Variants in IVD observed in about 807,000 individuals in gnomAD.
The protein encoded by IVD is isovaleryl-CoA dehydrogenase, mitochondrial.
A neutral mutation model predicts 51.3 loss-of-function variants in IVD; 31 were observed. That is an observed-to-expected ratio of 0.60 (90% CI 0.45 to 0.81). The LOEUF (loss-of-function observed/expected upper bound fraction) is 0.81. Ranked by LOEUF, IVD falls within the 40% of genes least tolerant of loss-of-function variation. The pLI is 0.00. For missense variants in IVD, 475 were observed against 552.0 expected, an observed-to-expected ratio of 0.86 and a Z score of 1.40; for synonymous variants, 205 against 219.4, an observed-to-expected ratio of 0.93 and a Z score of 0.58.
intron 7 of IVD, among the ~76,000 whole-genome samples, chr15:40,430,158 C>T (rs1415206773): frequency 6.6e-6 from 1 of 152,190 alleles, no homozygotes; most frequent in Admixed American, 6.5e-5. Flanking sequence ...GGTGCAGAGC[C>T]GCTGCGGCAC....
intron 8 of IVD, among the ~76,000 whole-genome samples, chr15:40,435,099 C>A (rs1353214351): frequency 1.3e-5 from 2 of 152,146 alleles, no homozygotes; most frequent in Non-Finnish European, 2.9e-5. Flanking sequence ...GAGATTGGGG[C>A]GAGAATGAGA....
chr15:40,411,227 T>G, intron 4 of IVD, 33 bp from the exon 5 acceptor site: 1 of 1,606,320 alleles, frequency 6.2e-7, no homozygotes. Context: ...ACTCTGAGGT[T>G]GTAACAAGGC....
At chr15:40,426,825 G>A (rs1470561242), downstream of IVD, among the ~76,000 whole-genome samples, 2 of 152,194 alleles carry the variant, frequency 1.3e-5, no homozygotes, top group African/African-American at 4.8e-5. Flanking sequence ...GTGTGCATCT[G>A]TGCATCGCTG....
In IVD at chr15:40,419,276, C is replaced by A; in HGVS notation, c.*1013C>A. 1 of 1,253,188 alleles carries A rather than the reference C, an allele frequency of 8.0e-7. No individual in the cohort carries two copies. Among genetic ancestry groups the A allele is most frequent in the Non-Finnish European group, 1.0e-6 (1 of 957,032 alleles). 77.6% of individuals were successfully genotyped at this position (1,253,188 alleles called of 1,614,324 possible). A position where few individuals can be genotyped will look rare whatever the true frequency, so the allele number is the denominator to read the frequency against. ...CTGTAATCCCAGCACTTTGGGAGGC[C>A]AAGGCAGGTGGATCACTTGCAGTCA... is the stretch of plus-strand genomic sequence containing the variant. On this transcript the variant is annotated 3_prime_UTR_variant, in exon 12 of 12. Transcript: ENST00000487418.
intron 7 of IVD, among the ~76,000 whole-genome samples, chr15:40,430,510 T>C (rs1478273678): frequency 6.6e-6 from 1 of 151,792 alleles, no homozygotes; most frequent in Non-Finnish European, 1.5e-5. Context: ...AGCAGGAGAG[T>C]GCTATGAGGC....
In IVD at chr15:40,415,122, A is replaced by G. The variant is rs1891515286; in HGVS notation, c.878+140A>G. 3 of 949,048 alleles carry G rather than the reference A, an allele frequency of 3.2e-6. No individual in the cohort carries two copies. In the South Asian group the frequency reaches 4.5e-5, roughly 14 times the overall value. The allele number at this position is 949,048 out of a possible 1,614,324, so 58.8% of individuals were successfully genotyped here. ...CTGCTCTCTCCTGGGAGATGAAAGG[A>G]ACCTCCTCTTCCCATGTTGAATTTC... is the stretch of plus-strand genomic sequence containing the variant. On this transcript the variant is annotated intron_variant, in intron 8 of 11. Coordinates refer to ENST00000487418, the MANE Select transcript of IVD (RefSeq NM_002225.5).
intron 3 of IVD, among the ~76,000 whole-genome samples, chr15:40,410,212 C>T (rs1013997498): frequency 1.3e-5 from 2 of 152,170 alleles, no homozygotes; most frequent in African/African-American, 4.8e-5. Context: ...CACATCAGAT[C>T]CTCTGGCTTT....
chr15:40,434,627 A>T (rs1452813934), intron 8 of IVD, among the ~76,000 whole-genome samples: 3 of 152,192 alleles, frequency 2.0e-5, no homozygotes, highest in African/African-American at 7.2e-5. Flanking sequence ...GGCAGCAGGG[A>T]GCAAGGTGGA....
At position 40,407,934 on chromosome 15, in the gene IVD, G is replaced by A. The variant is rs1206566729; in HGVS notation, c.235-5G>A. The A allele has an allele frequency of 1.2e-6, 2 of 1,613,904 alleles. No homozygotes were observed. The highest frequency in any genetic ancestry group is 1.7e-6 in the Non-Finnish European group (2 of 1,179,926). Reference sequence around the variant, plus strand: ...TTATTCCACTCTGCTCCATTCTGTTGGCAGGAATTTTGGAAGCAGCTGGGG... The same window carrying A: ...TTATTCCACTCTGCTCCATTCTGTTAGCAGGAATTTTGGAAGCAGCTGGGG... On this transcript the variant is annotated splice_polypyrimidine_tract_variant and splice_region_variant and intron_variant, in intron 2 of 11. Coordinates refer to ENST00000487418, the MANE Select transcript of IVD (RefSeq NM_002225.5).
At chr15:40,434,812 T>C (rs1437736423) in intron 8 of IVD, among the ~76,000 whole-genome samples, 2 of 152,180 alleles carry the variant, frequency 1.3e-5, no homozygotes, top group Non-Finnish European at 2.9e-5. Flanking sequence ...CTTCCCGGTG[T>C]CATGGGAAGA....
intron 8 of IVD, among the ~76,000 whole-genome samples, chr15:40,434,189 A>G (rs1262674160): frequency 6.6e-6 from 1 of 152,158 alleles, no homozygotes; most frequent in Non-Finnish European, 1.5e-5. Flanking sequence ...AATGTGCGCC[A>G]GGGGTAGCAA....
downstream of IVD, among the ~76,000 whole-genome samples, chr15:40,423,188 T>A (rs1400315713): frequency 2.6e-5 from 4 of 152,182 alleles, no homozygotes; most frequent in African/African-American, 4.8e-5. Flanking sequence ...TCCTCCTGCC[T>A]CCACTTTCCA....
chr15:40,424,518 C>A (rs1892554109), downstream of IVD: 2 of 231,350 alleles, frequency 8.6e-6, no homozygotes, highest in African/African-American at 4.7e-5. Context: ...TGGATGGGTC[C>A]CCTTTCTCCT....
chr15:40,421,523 C>A (rs545853095), downstream of IVD, among the ~76,000 whole-genome samples: 28 of 152,310 alleles, frequency 1.8e-4, no homozygotes, highest in African/African-American at 6.3e-4. Flanking sequence ...TGTGGGAGGG[C>A]AACAGAACCT....
At chr15:40,415,904 T>C (rs2141358534) in intron 9 of IVD, among the ~76,000 whole-genome samples, 174 bp from the exon 10 acceptor site, 1 of 152,346 alleles carries the variant, frequency 6.6e-6, no homozygotes, top group African/African-American at 2.4e-5. Flanking sequence ...GAACAGCCAC[T>C]CTGTGGCCCT....
In IVD at chr15:40,433,937, G is replaced by C. The variant is rs1478923435; in HGVS notation, c.780+23G>C. Reference sequence around the variant, plus strand: ...AAGGTACTATTAGAGATTGGCATGAGAATGCAACAGGGCTCTCTGAGTAGG... The same window carrying C: ...AAGGTACTATTAGAGATTGGCATGACAATGCAACAGGGCTCTCTGAGTAGG... On this transcript the variant is annotated intron_variant, in intron 8 of 8. Transcript: ENST00000473112. 8.8e-6 allele frequency: 4 copies of C among 456,614 alleles called. No homozygotes were observed. In the East Asian group the frequency reaches 2.8e-4, roughly 32 times the overall value. 28.3% of individuals were successfully genotyped at this position (456,614 alleles called of 1,614,324 possible). A position where few individuals can be genotyped will look rare whatever the true frequency, so the allele number is the denominator to read the frequency against.
rs1424673009 is a variant in IVD at position 40,420,770 on chromosome 15, A to G, written c.*2507A>G. On this transcript the variant is annotated 3_prime_UTR_variant, in exon 12 of 12. Transcript: ENST00000487418. The stretch of plus-strand genomic sequence containing the variant: ...TCAAGGTCAAAACGAACTAGAATCC[A>G]GATCTGCTCATGGCAAAAATGGGGG... 1.0e-6 allele frequency: 1 copy of G among 985,606 alleles called. No individual in the cohort carries two copies. The highest frequency in any genetic ancestry group is 1.2e-6 in the Non-Finnish European group (1 of 830,130). The allele number at this position is 985,606 out of a possible 1,614,324, so 61.1% of individuals were successfully genotyped here. A position where few individuals can be genotyped will look rare whatever the true frequency, so the allele number is the denominator to read the frequency against.
At chr15:40,426,026 G>C (rs1197739474), downstream of IVD, among the ~76,000 whole-genome samples, 2 of 150,862 alleles carry the variant, frequency 1.3e-5, no homozygotes, top group Non-Finnish European at 2.9e-5. Flanking sequence ...GCCCAGGCTG[G>C]TCTCCTGAGC....
chr15:40,411,734 G>C (rs374062770), intron 6 of IVD, 43 bp downstream of exon 6: 26 of 1,607,866 alleles, frequency 1.6e-5, no homozygotes, highest in Admixed American at 5.0e-5. Flanking sequence ...TCTGCCTCCT[G>C]ACAGTGGTAC....
Sources: allele counts gnomAD v4.1 joint callset (sites outside exome capture counted in the v4.1 genomes callset), GRCh38; gene constraint gnomAD v4.1.1; transcripts MANE v1.5; gene names NCBI Gene and HGNC (gene_info 2026-07-23, HGNC 2026-07-21).